RABGAP1L: variants seen among roughly 807,000 people sequenced by gnomAD.
RABGAP1L encodes the protein RAB GTPase activating protein 1 like.
A neutral mutation model predicts 137.7 loss-of-function variants in RABGAP1L; 63 were observed. That is an observed-to-expected ratio of 0.46 (90% CI 0.37 to 0.56). RABGAP1L has a LOEUF of 0.56. RABGAP1L is among the 20% of genes least tolerant of loss of function. The probability of loss-of-function intolerance (pLI) is 0.00; values close to 1 mark genes in which losing one functional copy is unlikely to be tolerated. For missense variants in RABGAP1L, 1,095 were observed against 1,244.0 expected (o/e 0.88, Z 1.80); for synonymous variants, 431 against 433.7 (o/e 0.99, Z 0.08).
At chr1:174,268,874 A>G (rs996915332) in intron 7 of RABGAP1L, among the ~76,000 whole-genome samples, 15 of 152,070 alleles carry the variant, frequency 9.9e-5, no homozygotes, top group Non-Finnish European at 1.8e-4. Context: ...AATAATTTAT[A>G]ATTATCAACT....
chr1:174,571,224 A>G (rs75434011), intron 13 of RABGAP1L, among the ~76,000 whole-genome samples: 13,677 of 152,202 alleles, frequency 0.09, 839 homozygotes, highest in East Asian at 0.22. Context: ...AATCAAAACA[A>G]TTGAACTCAT....
At chr1:174,271,402 A>G (rs1266999555) in intron 7 of RABGAP1L, among the ~76,000 whole-genome samples, 1 of 152,124 alleles carries the variant, frequency 6.6e-6, no homozygotes, top group Admixed American at 6.5e-5. Context: ...GTTAGCTGCC[A>G]CTATTTTGAA....
chr1:174,436,521 ATTTG>A (rs1446291052), intron 13 of RABGAP1L, among the ~76,000 whole-genome samples: 1 of 151,874 alleles, frequency 6.6e-6, no homozygotes, highest in Non-Finnish European at 1.5e-5. Context: ...TTTCTTGTAA[ATTTG>A]TTTGAGTTCA....
At chr1:174,302,255 T>C (rs1677781859) in intron 10 of RABGAP1L, among the ~76,000 whole-genome samples, 1 of 152,222 alleles carries the variant, frequency 6.6e-6, no homozygotes, top group South Asian at 2.1e-4. Context: ...TATTGTACTA[T>C]AGGTTAGACT....
At chr1:174,796,684 T>C (rs1241836168) in intron 18 of RABGAP1L, among the ~76,000 whole-genome samples, 3 of 152,210 alleles carry the variant, frequency 2.0e-5, no homozygotes, top group Non-Finnish European at 4.4e-5. Context: ...CATACCTAAC[T>C]GTTTTAAGTG....
intron 13 of RABGAP1L, among the ~76,000 whole-genome samples, chr1:174,446,850 A>G (rs1367046961): frequency 6.6e-6 from 1 of 152,234 alleles, no homozygotes; most frequent in African/African-American, 2.4e-5. Context: ...TCTACTGAAA[A>G]TAGAAAAGGT....
chr1:174,515,800 A>AT (rs1306438241), intron 13 of RABGAP1L, among the ~76,000 whole-genome samples: 4 of 152,118 alleles, frequency 2.6e-5, no homozygotes, highest in African/African-American at 9.7e-5. Flanking sequence ...AGTCCGCCTT[A>AT]TTGCCGATAA....
chr1:174,976,239 C>G, intron 22 of RABGAP1L, 57 bp downstream of exon 22: 1 of 1,353,650 alleles, frequency 7.4e-7, no homozygotes, highest in Non-Finnish European at 1.0e-6. Flanking sequence ...AGGGAATTAA[C>G]ACTATAAAAA....
At chr1:174,213,557 T>C (rs1669062569) in intron 1 of RABGAP1L, among the ~76,000 whole-genome samples, 1 of 152,174 alleles carries the variant, frequency 6.6e-6, no homozygotes, top group Admixed American at 6.5e-5. Flanking sequence ...CTCTGATGAA[T>C]ATCGATGCAA....
At chr1:174,380,172 C>A (rs1374364674) in intron 12 of RABGAP1L, among the ~76,000 whole-genome samples, 2 of 151,386 alleles carry the variant, frequency 1.3e-5, no homozygotes, top group African/African-American at 4.8e-5. Flanking sequence ...TTTTGATGTG[C>A]TGCTGGATTC....
At chr1:174,930,079 G>A (rs1030831371) in intron 19 of RABGAP1L, among the ~76,000 whole-genome samples, 11 of 151,146 alleles carry the variant, frequency 7.3e-5, no homozygotes, top group African/African-American at 2.7e-4. Context: ...AAACTCCTGG[G>A]CTCATGCAAT....
chr1:174,403,208 A>AGTGTGTGTGTGTGTGT (rs201238291), intron 13 of RABGAP1L, among the ~76,000 whole-genome samples: 3 of 126,672 alleles, frequency 2.4e-5, no homozygotes, highest in African/African-American at 6.5e-5. Context: ...TATATATGAG[A>AGTGTGTGTGTGTGTGT]GTGTGTGTGT....
intron 13 of RABGAP1L, among the ~76,000 whole-genome samples, 164 bp from the exon 14 acceptor site, chr1:174,637,211 C>T (rs1375544403): frequency 3.3e-5 from 5 of 152,084 alleles, no homozygotes; most frequent in African/African-American, 4.8e-5. Flanking sequence ...CTGTTGGTAG[C>T]ACTTATCTTG....
chr1:174,561,735 C>T (rs1379063868), intron 13 of RABGAP1L, among the ~76,000 whole-genome samples: 5 of 152,066 alleles, frequency 3.3e-5, no homozygotes, highest in Admixed American at 6.6e-5. Context: ...CTTTGACAAA[C>T]CTGACAAAAG....
At chr1:174,469,800 A>G (rs1009739938) in intron 13 of RABGAP1L, among the ~76,000 whole-genome samples, 3 of 152,298 alleles carry the variant, frequency 2.0e-5, no homozygotes, top group Non-Finnish European at 4.4e-5. Context: ...ACCAATATTG[A>G]AAGCAGACAA....
intron 14 of RABGAP1L, among the ~76,000 whole-genome samples, chr1:174,678,918 G>A (rs912660502): frequency 1.3e-5 from 2 of 152,228 alleles, no homozygotes; most frequent in African/African-American, 2.4e-5. Context: ...AGTCAGCAGT[G>A]GGTGTGCGAC....
chr1:174,753,744 G>A (rs752174433), intron 18 of RABGAP1L, among the ~76,000 whole-genome samples: 1 of 152,030 alleles, frequency 6.6e-6, no homozygotes, highest in Non-Finnish European at 1.5e-5. Flanking sequence ...GAATGCCTAA[G>A]CATTGAAAGT....
intron 13 of RABGAP1L, among the ~76,000 whole-genome samples, chr1:174,617,224 T>G (rs1671971078): frequency 6.6e-6 from 1 of 152,202 alleles, no homozygotes; most frequent in Non-Finnish European, 1.5e-5. Flanking sequence ...TAAAAGGGAT[T>G]AATCAAGTTT....
At chr1:174,470,320 A>G (rs547093130) in intron 13 of RABGAP1L, among the ~76,000 whole-genome samples, 23 of 152,342 alleles carry the variant, frequency 1.5e-4, no homozygotes, top group East Asian at 5.8e-4. Flanking sequence ...TGTACATTCT[A>G]TGTAAATTTG....
Sources: allele counts gnomAD v4.1 joint callset (sites outside exome capture counted in the v4.1 genomes callset), GRCh38; gene constraint gnomAD v4.1.1; transcripts MANE v1.5; gene names NCBI Gene and HGNC (gene_info 2026-07-23, HGNC 2026-07-21).